NR2F1-AS1: variants seen among roughly 807,000 people sequenced by gnomAD.
NR2F1-AS1 encodes the protein NR2F1 regulatory antisense RNA 1.
At chr5:93,554,447 C>G (rs1037498074) in intron 3 of NR2F1-AS1, among the ~76,000 whole-genome samples, 3 of 152,054 alleles carry the variant, frequency 2.0e-5, no homozygotes, top group African/African-American at 7.2e-5. Context: ...TCTACTGACT[C>G]CTGATATGGA....
At chr5:93,562,201 A>G (rs1159738222) in intron 2 of NR2F1-AS1, among the ~76,000 whole-genome samples, 3 of 139,270 alleles carry the variant, frequency 2.2e-5, no homozygotes, top group Non-Finnish European at 4.6e-5. Context: ...AAAAAAAAAG[A>G]AAAGAAAAGA....
Position 93,579,636 on chromosome 5 carries a change from C to T in NR2F1-AS1, n.313+831G>A, listed in dbSNP as rs1008452387. ...GTCCCCAGCATCGGCTGCCCCCGCCCCCCGCGCGCCCTCTGACGCAAACGC... is the reference window on the plus strand; with the variant it reads ...GTCCCCAGCATCGGCTGCCCCCGCCTCCCGCGCGCCCTCTGACGCAAACGC... On this transcript the variant is annotated intron_variant and non_coding_transcript_variant, in intron 1 of 5. Coordinates refer to ENST00000660523, the Ensembl canonical transcript of NR2F1-AS1. The surrounding 1 kb of genome is among the most constrained non-coding windows in gnomAD (Gnocchi z 5.1). 4.5e-4 allele frequency among the ~76,000 whole-genome samples: 68 copies of T among 152,198 alleles called. No homozygotes were observed. The highest frequency in any genetic ancestry group is 8.4e-4 in the Non-Finnish European group (57 of 67,974).
intron 4 of NR2F1-AS1, among the ~76,000 whole-genome samples, chr5:93,535,669 G>A (rs1417844630): frequency 6.6e-6 from 1 of 152,102 alleles, no homozygotes; most frequent in Admixed American, 6.5e-5. Flanking sequence ...GATCAGGTGG[G>A]ATTCATCGTA....
intron 4 of NR2F1-AS1, among the ~76,000 whole-genome samples, chr5:93,421,466 C>G (rs1202713436): frequency 6.6e-6 from 1 of 152,136 alleles, no homozygotes; most frequent in South Asian, 2.1e-4. Context: ...CTCCATTCCT[C>G]GGTGTGGTTT....
upstream of NR2F1-AS1, chr5:93,585,082 C>A (rs1753204907): frequency 4.9e-6 from 5 of 1,021,604 alleles, no homozygotes; most frequent in Non-Finnish European, 5.8e-6. Context: ...GGGGGCAACC[C>A]CGGCGGCCCC....
chr5:93,573,674 A>C (rs962556414), intron 1 of NR2F1-AS1, among the ~76,000 whole-genome samples: 7 of 152,312 alleles, frequency 4.6e-5, no homozygotes, highest in Admixed American at 4.6e-4. Context: ...GCGACTAAAG[A>C]GGGGACTGGT....
intron 4 of NR2F1-AS1, among the ~76,000 whole-genome samples, chr5:93,489,489 T>C (rs1034973075): frequency 6.6e-6 from 1 of 152,062 alleles, no homozygotes; most frequent in Non-Finnish European, 1.5e-5. Flanking sequence ...AACATAACTT[T>C]TATATGTACT....
intron 4 of NR2F1-AS1, among the ~76,000 whole-genome samples, chr5:93,511,539 T>C (rs1389556702): frequency 9.9e-5 from 15 of 152,186 alleles, no homozygotes. Context: ...GACTGTGGTC[T>C]CAAAAGATTA....
intron 4 of NR2F1-AS1, among the ~76,000 whole-genome samples, chr5:93,551,578 A>T (rs1466112532): frequency 1.3e-5 from 2 of 152,072 alleles, no homozygotes; most frequent in African/African-American, 4.8e-5. Context: ...GCACTGCATG[A>T]CACAGAACTA....
At chr5:93,436,505 T>C (rs1205892179) in intron 4 of NR2F1-AS1, among the ~76,000 whole-genome samples, 1 of 152,212 alleles carries the variant, frequency 6.6e-6, no homozygotes, top group Non-Finnish European at 1.5e-5. Flanking sequence ...ATGACTTACC[T>C]AGTCTTTTTC....
chr5:93,458,726 C>G (rs779379664), intron 4 of NR2F1-AS1, among the ~76,000 whole-genome samples: 1 of 152,048 alleles, frequency 6.6e-6, no homozygotes, highest in Non-Finnish European at 1.5e-5. Flanking sequence ...AACAAAAGCA[C>G]AGGCCGGGCG....
chr5:93,413,596 A>C (rs930957342), intron 4 of NR2F1-AS1, among the ~76,000 whole-genome samples: 2 of 152,166 alleles, frequency 1.3e-5, no homozygotes, highest in African/African-American at 4.8e-5. Context: ...GCCAGGGCCC[A>C]GGTAGGCTAA....
intron 4 of NR2F1-AS1, among the ~76,000 whole-genome samples, chr5:93,511,961 G>A (rs901387871): frequency 6.6e-6 from 1 of 152,120 alleles, no homozygotes; most frequent in South Asian, 2.1e-4. Context: ...GGGGACCACT[G>A]ATATATAGTA....
chr5:93,577,762 C>T (rs1338924693), intron 1 of NR2F1-AS1, among the ~76,000 whole-genome samples: 4 of 152,138 alleles, frequency 2.6e-5, no homozygotes, highest in African/African-American at 9.7e-5. Flanking sequence ...GCAGCAAGAT[C>T]AGAGGCACTG....
At chr5:93,515,100 CTATA>C (rs1437977375) in intron 4 of NR2F1-AS1, among the ~76,000 whole-genome samples, 1 of 151,858 alleles carries the variant, frequency 6.6e-6, no homozygotes, top group Non-Finnish European at 1.5e-5. Context: ...CAAAGAAACA[CTATA>C]TATAATAAAG....
intron 4 of NR2F1-AS1, among the ~76,000 whole-genome samples, chr5:93,446,183 G>A (rs1203319480): frequency 6.6e-6 from 1 of 152,154 alleles, no homozygotes; most frequent in Non-Finnish European, 1.5e-5. Flanking sequence ...TCAATGAAGT[G>A]TTGGAAGTTC....
At chr5:93,544,239 G>A (rs1316060882) in intron 4 of NR2F1-AS1, among the ~76,000 whole-genome samples, 1 of 152,092 alleles carries the variant, frequency 6.6e-6, no homozygotes, top group African/African-American at 2.4e-5. Flanking sequence ...ATTAATAAAA[G>A]TGAAAACTAA....
chr5:93,426,722 C>A (rs996749409), intron 4 of NR2F1-AS1, among the ~76,000 whole-genome samples: 3 of 152,128 alleles, frequency 2.0e-5, no homozygotes, highest in Non-Finnish European at 4.4e-5. Context: ...TAACCACAAG[C>A]CCTTTTTATT....
chr5:93,438,271 G>C (rs1389397351), intron 4 of NR2F1-AS1, among the ~76,000 whole-genome samples: 1 of 152,218 alleles, frequency 6.6e-6, no homozygotes, highest in Non-Finnish European at 1.5e-5. Flanking sequence ...GGAATCTACA[G>C]AAGTGTGGTG....
Sources: gnomAD v4.1 joint callset for allele counts (sites outside exome capture counted in the v4.1 genomes callset) on GRCh38, gnomAD v4.1.1 for gene constraint, Gnocchi (gnomAD v3.1) non-coding constraint, MANE v1.5 for transcripts, NCBI Gene and HGNC (gene_info 2026-07-23, HGNC 2026-07-21) for gene names.